DNAH7: variants seen among roughly 807,000 people sequenced by gnomAD.
DNAH7 encodes the protein dynein axonemal heavy chain 7.
In DNAH7, 397 loss-of-function variants were observed where a neutral mutation model predicts 444.6. That is an observed-to-expected ratio of 0.89 (90% confidence interval 0.82 to 0.97). The LOEUF (loss-of-function observed/expected upper bound fraction) is 0.97. DNAH7 is among the 50% of genes least tolerant of loss of function. DNAH7 has a pLI of 0.00. For synonymous variants in DNAH7, 1,636 were observed against 1,624.4 expected (o/e 1.01, Z -0.17); for missense variants, 4,902 against 4,800.8 (o/e 1.02, Z -0.62).
At chr2:195,855,498 A>AT (rs200840026) in intron 45 of DNAH7, among the ~76,000 whole-genome samples, 413 of 145,562 alleles carry the variant, frequency 2.8e-3, no homozygotes, top group African/African-American at 7.7e-3. Context: ...ACAGACTGAC[A>AT]TTTTTTTTTT....
intron 5 of DNAH7, among the ~76,000 whole-genome samples, chr2:196,029,221 G>A (rs1202608261): frequency 6.6e-6 from 1 of 151,788 alleles, no homozygotes; most frequent in African/African-American, 2.4e-5. Flanking sequence ...TTCAGAGTCT[G>A]CCACCATAAA....
chr2:195,788,156 T>C (rs760660454), intron 57 of DNAH7, among the ~76,000 whole-genome samples: 10 of 152,200 alleles, frequency 6.6e-5, no homozygotes, highest in Admixed American at 1.3e-4. Context: ...TTAAATGATT[T>C]GCCAAGTCCA....
At chr2:195,950,312 A>G (rs181612992) in intron 19 of DNAH7, among the ~76,000 whole-genome samples, 2 of 152,168 alleles carry the variant, frequency 1.3e-5, no homozygotes, top group East Asian at 1.9e-4. Flanking sequence ...CAGGGATTCA[A>G]CTTCTTCCTG....
At position 195,782,803 on chromosome 2, in the gene DNAH7, T is replaced by A. The variant is rs577470076; in HGVS notation, c.10878+4207A>T. On this transcript the variant is annotated intron_variant, in intron 58 of 64. Coordinates refer to ENST00000312428, the MANE Select transcript of DNAH7 (RefSeq NM_018897.3). ...TGCTTTTTTTCCTGGCTGCACCATC[T>A]GCCCTCCATGTCTTCTGTTCTCTCT... Among the ~76,000 whole-genome samples the A allele has an allele frequency of 2.6e-5, 4 of 152,310 alleles. No homozygotes were observed. In the East Asian group the frequency reaches 7.7e-4, roughly 29 times the overall value.
At chr2:196,065,826 T>C (rs1698399627) in intron 1 of DNAH7, among the ~76,000 whole-genome samples, 1 of 152,236 alleles carries the variant, frequency 6.6e-6, no homozygotes, top group South Asian at 2.1e-4. Context: ...CTGCTGTTAA[T>C]CCTTGAGTGT....
In DNAH7 at chr2:195,796,621, A is replaced by C; in HGVS notation, c.10470T>G (p.Cys3490Trp). The change falls in exon 56 of 65, where the codon TGT becomes TGG. Residue 3490 changes from cysteine to tryptophan, a missense_variant. By Grantham distance (215) the Cys-to-Trp change is radical. Coordinates refer to ENST00000312428, the MANE Select transcript of DNAH7 (RefSeq NM_018897.3). ...KEGTWVVLQN[C>W]HLATSWMPTL... ...TTGGCATCCAAGAGGTGGCAAGGTG[A>C]CAATTCTGAAGAACAACCCATGTTC... is the stretch of plus-strand genomic sequence containing the variant. 2 of 1,614,152 alleles carry C rather than the reference A, an allele frequency of 1.2e-6. No individual in the cohort carries two copies. The highest frequency in any genetic ancestry group is 1.7e-6 in the Non-Finnish European group (2 of 1,180,008).
intron 61 of DNAH7, among the ~76,000 whole-genome samples, chr2:195,764,109 A>AT (rs1694465658): frequency 6.6e-6 from 1 of 152,124 alleles, no homozygotes; most frequent in Non-Finnish European, 1.5e-5. Context: ...GTGATACATC[A>AT]TATCAACAGA....
intron 10 of DNAH7, among the ~76,000 whole-genome samples, chr2:196,004,064 GA>G (rs1694209968): frequency 6.6e-6 from 1 of 152,192 alleles, no homozygotes; most frequent in African/African-American, 2.4e-5. Context: ...GATCCAAGGT[GA>G]AAGTCTTTTT....
intron 21 of DNAH7, among the ~76,000 whole-genome samples, chr2:195,927,000 A>G (rs928913698): frequency 2.0e-5 from 3 of 152,128 alleles, no homozygotes; most frequent in African/African-American, 7.2e-5. Context: ...GCCTGTACAC[A>G]TGCACACTTG....
At chr2:196,021,838 A>T (rs1205267509) in intron 8 of DNAH7, among the ~76,000 whole-genome samples, 1 of 151,698 alleles carries the variant, frequency 6.6e-6, no homozygotes, top group Non-Finnish European at 1.5e-5. Flanking sequence ...TACAAATGAA[A>T]AAAGGAATCC....
intron 10 of DNAH7, among the ~76,000 whole-genome samples, chr2:196,008,028 G>T (rs1355383326): frequency 6.6e-6 from 1 of 151,978 alleles, no homozygotes; most frequent in Non-Finnish European, 1.5e-5. Context: ...CTAGTATCCA[G>T]AATATACAAA....
chr2:195,995,403 G>A (rs149484605), intron 12 of DNAH7: 139 of 479,736 alleles, frequency 2.9e-4, no homozygotes, highest in African/African-American at 1.8e-3. Flanking sequence ...ATCATATGGC[G>A]TTTTTCTGAG....
At chr2:196,041,296 A>G (rs1696743474) in intron 5 of DNAH7, among the ~76,000 whole-genome samples, 1 of 152,134 alleles carries the variant, frequency 6.6e-6, no homozygotes, top group Admixed American at 6.5e-5. Flanking sequence ...GAATCACACT[A>G]CCAGACTTCA....
At chr2:195,899,173 T>G (rs1459004490) in intron 28 of DNAH7, among the ~76,000 whole-genome samples, 1 of 152,232 alleles carries the variant, frequency 6.6e-6, no homozygotes, top group Non-Finnish European at 1.5e-5. Flanking sequence ...ACATCAATTA[T>G]GCAGTGTCAG....
chr2:195,943,011 TCTCATG>T (rs1208145304), intron 19 of DNAH7, among the ~76,000 whole-genome samples: 2 of 152,136 alleles, frequency 1.3e-5, no homozygotes, highest in Non-Finnish European at 2.9e-5. Context: ...CCTGTGCTGT[TCTCATG>T]ATAGTGAATA....
chr2:196,027,507 ACTT>A (rs1695764821), intron 6 of DNAH7, among the ~76,000 whole-genome samples: 2 of 152,028 alleles, frequency 1.3e-5, no homozygotes, highest in Admixed American at 1.3e-4. Flanking sequence ...TTTACATGTC[ACTT>A]ATTAGAAAAA....
At chr2:196,036,446 C>T (rs1046581067) in intron 5 of DNAH7, among the ~76,000 whole-genome samples, 1 of 152,188 alleles carries the variant, frequency 6.6e-6, no homozygotes, top group African/African-American at 2.4e-5. Flanking sequence ...CAAGTTCATG[C>T]AGTGTCCTAC....
At chr2:195,906,593 T>C (rs1687039323) in intron 27 of DNAH7, 66 bp downstream of exon 27, 1 of 1,501,064 alleles carries the variant, frequency 6.7e-7, no homozygotes, top group East Asian at 2.4e-5. Flanking sequence ...CACGCCCAGC[T>C]CTTTTCATAT....
intron 18 of DNAH7, among the ~76,000 whole-genome samples, chr2:195,959,598 T>C (rs1574886390): frequency 6.6e-6 from 1 of 152,334 alleles, no homozygotes; most frequent in Non-Finnish European, 1.5e-5. Flanking sequence ...TAGCATTCCC[T>C]TGCCATGCAA....
Sources: allele counts gnomAD v4.1 joint callset (sites outside exome capture counted in the v4.1 genomes callset), GRCh38; gene constraint gnomAD v4.1.1; transcripts MANE v1.5; gene names NCBI Gene and HGNC (gene_info 2026-07-23, HGNC 2026-07-21).